The following ME3 variants were observed in gnomAD, a reference collection of about 807,000 sequenced individuals.
The protein encoded by ME3 is malic enzyme 3.
Under a neutral mutation model 68.9 loss-of-function variants are expected in ME3, and 48 were observed. That is an observed-to-expected ratio of 0.70 (90% CI 0.55 to 0.89). The LOEUF is 0.89. ME3 is among the 40% of genes least tolerant of loss of function. The pLI is 0.00. For synonymous variants in ME3, 320 were observed against 318.8 expected, an observed-to-expected ratio of 1.00 and a Z score of -0.04; for missense variants, 675 against 797.4, an observed-to-expected ratio of 0.85 and a Z score of 1.85.
chr11:86,504,717 C>T (rs1355653944), intron 5 of ME3, among the ~76,000 whole-genome samples: 3 of 151,726 alleles, frequency 2.0e-5, no homozygotes, highest in Non-Finnish European at 4.4e-5. Context: ...GTTTTTGAGA[C>T]AGAGTCTTGC....
intron 2 of ME3, among the ~76,000 whole-genome samples, chr11:86,597,561 C>T (rs10792861): frequency 0.13 from 19,890 of 152,242 alleles, 1,753 homozygotes; most frequent in East Asian, 0.39. Context: ...GTGAAGTATG[C>T]TCTCTGGAGC....
At chr11:86,600,508 C>CT (rs1403263245) in intron 2 of ME3, among the ~76,000 whole-genome samples, 2 of 150,244 alleles carry the variant, frequency 1.3e-5, no homozygotes, top group Non-Finnish European at 3.0e-5. Flanking sequence ...TAATGGGAGA[C>CT]TTTAACACCC....
intron 7 of ME3, among the ~76,000 whole-genome samples, chr11:86,466,202 T>G (rs987185656): frequency 3.9e-5 from 6 of 152,222 alleles, no homozygotes; most frequent in Non-Finnish European, 2.9e-5. Context: ...CACACAGATT[T>G]CCCCTTTACT....
At chr11:86,545,398 A>T (rs182992653) in intron 4 of ME3, among the ~76,000 whole-genome samples, 9 of 152,352 alleles carry the variant, frequency 5.9e-5, no homozygotes. Context: ...TGCAAATAAC[A>T]TGGTGTATAT....
intron 4 of ME3, among the ~76,000 whole-genome samples, chr11:86,521,431 A>AATAATAATAAT (rs1555221579): frequency 3.4e-5 from 5 of 145,924 alleles, no homozygotes; most frequent in African/African-American, 1.0e-4. Context: ...AACAAAACAA[A>AATAATAATAAT]AATAATAATA....
At chr11:86,663,368 T>C (rs1946400801) in intron 2 of ME3, among the ~76,000 whole-genome samples, 1 of 152,192 alleles carries the variant, frequency 6.6e-6, no homozygotes, top group African/African-American at 2.4e-5. Flanking sequence ...GTGTTTCAAC[T>C]GGGCTGCATG....
In ME3 at chr11:86,465,074, G is replaced by A. The variant is rs974021961; in HGVS notation, c.919+17C>T. 8 of 1,580,230 alleles carry A rather than the reference G, an allele frequency of 5.1e-6. No individual in the cohort carries two copies. Among genetic ancestry groups the A allele is most frequent in the Admixed American group, 1.7e-5 (1 of 59,950 alleles). ...AGTTAGTCCCCTGTAGCTTCATCAG[G>A]TGGGGTGGAAACCTACCTTGGATGT... On this transcript the variant is annotated intron_variant, in intron 8 of 14. Transcript: ENST00000543262.
intron 2 of ME3, among the ~76,000 whole-genome samples, chr11:86,598,434 C>T (rs117229464): frequency 0.036 from 5,525 of 152,316 alleles, 132 homozygotes; most frequent in Non-Finnish European, 0.054. Flanking sequence ...CTTAGGTAAA[C>T]GAAGCAGCCA....
rs765197996 is a variant in ME3 at position 86,565,315 on chromosome 11, C to T, written c.184-5492G>A. ...AAAATATTACAGCCTGTATGGAAAG[C>T]GTAGTGGTCCTCAAAAAGCTGAACA... On this transcript the variant is annotated intron_variant, in intron 2 of 14. Transcript: ENST00000543262. Among the ~76,000 whole-genome samples the T allele has an allele frequency of 4.6e-5, 7 of 152,144 alleles. No individual in the cohort carries two copies. In the East Asian group the frequency reaches 5.8e-4, roughly 13 times the overall value.
intron 2 of ME3, among the ~76,000 whole-genome samples, chr11:86,625,513 T>G (rs1943608494): frequency 1.3e-5 from 2 of 152,276 alleles, no homozygotes; most frequent in South Asian, 4.2e-4. Context: ...CAAAGAGACC[T>G]GGGTTTGAAT....
intron 2 of ME3, among the ~76,000 whole-genome samples, chr11:86,618,747 T>G (rs1943151065): frequency 6.6e-6 from 1 of 150,630 alleles, no homozygotes; most frequent in Admixed American, 6.7e-5. Context: ...AGACGGAGTC[T>G]CACTCTGTCA....
intron 2 of ME3, among the ~76,000 whole-genome samples, chr11:86,588,338 A>T (rs904410019): frequency 4.6e-5 from 7 of 152,244 alleles, no homozygotes; most frequent in Non-Finnish European, 7.3e-5. Flanking sequence ...ACAATAATAT[A>T]ACAAGTAATA....
At chr11:86,478,324 C>CAAAAAAAAAAAAAAAAAAAAAAAAA (rs57349808) in intron 7 of ME3, among the ~76,000 whole-genome samples, 2 of 62,914 alleles carry the variant, frequency 3.2e-5, no homozygotes, top group African/African-American at 1.2e-4. Flanking sequence ...GCCTAAGGAC[C>CAAAAAAAAAAAAAAAAAAAAAAAAA]AAAAAAAAAA....
intron 2 of ME3, among the ~76,000 whole-genome samples, chr11:86,568,606 C>A (rs532569666): frequency 6.6e-6 from 1 of 152,230 alleles, no homozygotes; most frequent in Admixed American, 6.5e-5. Context: ...ATAGCTCCCA[C>A]CATCAAATGG....
At chr11:86,525,226 G>C (rs1244109026) in intron 4 of ME3, among the ~76,000 whole-genome samples, 3 of 152,146 alleles carry the variant, frequency 2.0e-5, no homozygotes, top group Non-Finnish European at 2.9e-5. Context: ...TTCCAATAGA[G>C]CAGTGACAAT....
chr11:86,643,517 GA>G (rs1944802485), intron 2 of ME3, among the ~76,000 whole-genome samples: 1 of 151,956 alleles, frequency 6.6e-6, no homozygotes, highest in Non-Finnish European at 1.5e-5. Flanking sequence ...ATCACCCTTG[GA>G]AAGAGGTTAC....
intron 2 of ME3, among the ~76,000 whole-genome samples, chr11:86,625,647 A>G (rs1360106583): frequency 6.6e-6 from 1 of 152,240 alleles, no homozygotes; most frequent in Admixed American, 6.5e-5. Flanking sequence ...TGCCAGGCAC[A>G]GGGGATCAGC....
At chr11:86,562,971 G>A (rs1957310223) in intron 2 of ME3, among the ~76,000 whole-genome samples, 3 of 151,990 alleles carry the variant, frequency 2.0e-5, no homozygotes, top group Admixed American at 1.3e-4. Flanking sequence ...TCCTCCAATT[G>A]CATTCGTGTT....
At chr11:86,444,005 A>T (rs1237264325) in intron 13 of ME3, among the ~76,000 whole-genome samples, 1 of 152,176 alleles carries the variant, frequency 6.6e-6, no homozygotes, top group East Asian at 1.9e-4. Context: ...CATATAAGGA[A>T]GGATTCTATG....
Sources: gnomAD v4.1 joint callset for allele counts (sites outside exome capture counted in the v4.1 genomes callset) on GRCh38, gnomAD v4.1.1 for gene constraint, MANE v1.5 for transcripts, NCBI Gene and HGNC (gene_info 2026-07-23, HGNC 2026-07-21) for gene names.